The following MPP7 variants were observed in gnomAD, a reference collection of about 807,000 sequenced individuals.
The protein encoded by MPP7 is MAGUK p55 subfamily member 7.
MPP7 carries 60 observed loss-of-function variants against 76.5 expected under a neutral mutation model. The observed-to-expected ratio is 0.78, with a 90% CI of 0.64 to 0.97. The LOEUF is 0.97. MPP7 is among the 50% of genes least tolerant of loss of function. MPP7 has a pLI of 0.00. For synonymous variants in MPP7, 237 were observed against 244.5 expected (o/e 0.97, Z 0.29); for missense variants, 641 against 694.0 (o/e 0.92, Z 0.86).
intron 12 of MPP7, among the ~76,000 whole-genome samples, 165 bp from the exon 13 acceptor site, chr10:28,070,017 C>T (rs540210096): frequency 6.6e-6 from 1 of 152,128 alleles, no homozygotes; most frequent in Admixed American, 6.5e-5. Flanking sequence ...TGCTAGATTT[C>T]TTTTGTTGCT....
chr10:28,233,786 CA>C (rs1474919655), intron 2 of MPP7, among the ~76,000 whole-genome samples: 1 of 151,470 alleles, frequency 6.6e-6, no homozygotes, highest in Non-Finnish European at 1.5e-5. Context: ...CCTATAATCC[CA>C]GCACTTTGGG....
chr10:28,314,341 C>A (rs547594946), intron 2 of MPP7, among the ~76,000 whole-genome samples: 3 of 152,310 alleles, frequency 2.0e-5, no homozygotes, highest in Non-Finnish European at 4.4e-5. Flanking sequence ...TTGCCTCAGG[C>A]CCTGTCCATC....
chr10:28,302,631 G>A (rs1841188243), intron 1 of MPP7, among the ~76,000 whole-genome samples: 1 of 151,866 alleles, frequency 6.6e-6, no homozygotes, highest in South Asian at 2.1e-4. Flanking sequence ...GGGGTCCTCA[G>A]GGTCCCGCCC....
At chr10:28,319,136 A>G (rs1834344197) in intron 2 of MPP7, among the ~76,000 whole-genome samples, 2 of 152,162 alleles carry the variant, frequency 1.3e-5, no homozygotes, top group Admixed American at 1.3e-4. Context: ...CAGAGGGTGA[A>G]GGGGAAGCAG....
chr10:28,301,985 A>G (rs57137891), intron 1 of MPP7, among the ~76,000 whole-genome samples: 3,802 of 152,334 alleles, frequency 0.025, 164 homozygotes, highest in African/African-American at 0.087. Flanking sequence ...ATTTACCTGC[A>G]AACTATTACT....
intron 3 of MPP7, among the ~76,000 whole-genome samples, chr10:28,188,461 C>T (rs1476590992): frequency 6.6e-6 from 1 of 152,034 alleles, no homozygotes; most frequent in Non-Finnish European, 1.5e-5. Flanking sequence ...ATATGTACTC[C>T]TGTGCTTATA....
chr10:28,138,106 T>C (rs1422729643), intron 5 of MPP7, among the ~76,000 whole-genome samples: 1 of 152,226 alleles, frequency 6.6e-6, no homozygotes, highest in African/African-American at 2.4e-5. Flanking sequence ...TCTTCTTATT[T>C]TATTGCCTTT....
intron 2 of MPP7, among the ~76,000 whole-genome samples, chr10:28,327,053 C>T (rs1457391227): frequency 5.3e-5 from 8 of 152,102 alleles, no homozygotes; most frequent in African/African-American, 1.9e-4. Flanking sequence ...CCAGCATTTA[C>T]TTGGGAAAGC....
chr10:28,090,914 A>C (rs1456736104), intron 11 of MPP7, among the ~76,000 whole-genome samples: 1 of 152,176 alleles, frequency 6.6e-6, no homozygotes. Context: ...AAGCCAAGGA[A>C]GGAGGGCAGA....
At chr10:28,191,224 T>G (rs193110596) in intron 3 of MPP7, among the ~76,000 whole-genome samples, 8 of 152,236 alleles carry the variant, frequency 5.3e-5, no homozygotes, top group Admixed American at 3.3e-4. Flanking sequence ...TTATACCAAT[T>G]CTCTGCAATC....
At chr10:28,071,362 T>C (rs938280711) in intron 12 of MPP7, among the ~76,000 whole-genome samples, 1 of 152,146 alleles carries the variant, frequency 6.6e-6, no homozygotes. Flanking sequence ...GTGCTGTTCT[T>C]GCTCTAATGC....
chr10:28,063,530 C>T (rs1851877607), intron 13 of MPP7, among the ~76,000 whole-genome samples: 1 of 151,958 alleles, frequency 6.6e-6, no homozygotes, highest in African/African-American at 2.4e-5. Flanking sequence ...GTCCCCAATC[C>T]CCAGGCCACA....
At chr10:28,143,556 T>C (rs1167935573) in intron 5 of MPP7, among the ~76,000 whole-genome samples, 1 of 152,228 alleles carries the variant, frequency 6.6e-6, no homozygotes, top group Non-Finnish European at 1.5e-5. Flanking sequence ...GGTGCATGTT[T>C]GTGTCTGTAT....
In MPP7 at chr10:28,051,378, A is replaced by G. The variant is rs1326858219; in HGVS notation, c.*2687T>C. The G allele has an allele frequency of 2.6e-5, 4 of 152,256 alleles. No individual in the cohort carries two copies. The highest frequency in any genetic ancestry group is 5.9e-5 in the Non-Finnish European group (4 of 68,048). 9.4% of individuals were successfully genotyped at this position (152,256 alleles called of 1,614,324 possible). A position where few individuals can be genotyped will look rare whatever the true frequency, so the allele number is the denominator to read the frequency against. On this transcript the variant is annotated 3_prime_UTR_variant, in exon 17 of 17. Coordinates refer to ENST00000683449, the MANE Select transcript of MPP7 (RefSeq NM_001318170.2). ...ACACAATACCAGGAAGGTCAGCCTTAAAGATACCAAGAACTTCCATATTGG... is the reference window on the plus strand; with the variant it reads ...ACACAATACCAGGAAGGTCAGCCTTGAAGATACCAAGAACTTCCATATTGG...
intron 2 of MPP7, among the ~76,000 whole-genome samples, chr10:28,328,873 G>A (rs1834444903): frequency 6.6e-6 from 1 of 152,062 alleles, no homozygotes; most frequent in Admixed American, 6.6e-5. Context: ...ATACCATTAC[G>A]ATGTCTCTTT....
intron 12 of MPP7, among the ~76,000 whole-genome samples, chr10:28,077,754 A>G (rs59246203): frequency 0.1 from 15,686 of 152,266 alleles, 1,553 homozygotes; most frequent in East Asian, 0.5. Flanking sequence ...ACGGGCACAT[A>G]TAAGTAGATT....
chr10:28,218,702 A>T (rs1415917868), intron 2 of MPP7, among the ~76,000 whole-genome samples: 1 of 152,224 alleles, frequency 6.6e-6, no homozygotes, highest in East Asian at 1.9e-4. Flanking sequence ...GATTCAGGAA[A>T]GCCTAATTCA....
At chr10:28,216,980 G>T (rs2134044570) in intron 2 of MPP7, among the ~76,000 whole-genome samples, 1 of 151,852 alleles carries the variant, frequency 6.6e-6, no homozygotes, top group South Asian at 2.1e-4. Flanking sequence ...TCAAAGTCTT[G>T]ATTTTGAGCC....
intron 2 of MPP7, among the ~76,000 whole-genome samples, chr10:28,313,866 TATTTTTTTTA>T (rs758235697): frequency 2.3e-4 from 23 of 98,300 alleles, no homozygotes; most frequent in East Asian, 1.4e-3. Context: ...TTTTTTTTTT[TATTTTTTTTA>T]TTTTTTTTTG....
Sources: gnomAD v4.1 joint callset for allele counts (sites outside exome capture counted in the v4.1 genomes callset) on GRCh38, gnomAD v4.1.1 for gene constraint, MANE v1.5 for transcripts, NCBI Gene and HGNC (gene_info 2026-07-23, HGNC 2026-07-21) for gene names.